The following AK5 variants were observed in gnomAD, a reference collection of about 807,000 sequenced individuals.
The protein encoded by AK5 is adenylate kinase 5, also known as adenylate kinase isoenzyme 5.
A neutral mutation model predicts 69.5 loss-of-function variants in AK5; 27 were observed. The ratio of observed to expected loss-of-function variants is 0.39; its 90% CI spans 0.29 to 0.54. The LOEUF (loss-of-function observed/expected upper bound fraction) is 0.54, where lower values mean the gene tolerates loss of function less well. Ranked by LOEUF, AK5 falls within the 20% of genes least tolerant of loss-of-function variation. The pLI is 0.71. For missense variants in AK5, 531 were observed against 700.4 expected (o/e 0.76, Z 2.73); for synonymous variants, 260 against 244.4 (o/e 1.06, Z -0.60).
chr1:77,545,090 A>G (rs962045947), intron 13 of AK5, among the ~76,000 whole-genome samples: 2 of 152,160 alleles, frequency 1.3e-5, no homozygotes, highest in Non-Finnish European at 2.9e-5. Context: ...TGACCAAAAC[A>G]TTGTTATCAG....
At chr1:77,542,253 G>A (rs1421783889) in intron 13 of AK5, among the ~76,000 whole-genome samples, 7 of 152,124 alleles carry the variant, frequency 4.6e-5, no homozygotes, top group Admixed American at 4.6e-4. Context: ...AACCTGGGAG[G>A]CGGAGGTTGC....
intron 5 of AK5, among the ~76,000 whole-genome samples, chr1:77,307,247 C>A (rs1001281566): frequency 6.8e-6 from 1 of 146,546 alleles, no homozygotes; most frequent in Non-Finnish European, 1.5e-5. Context: ...TATAAACTTC[C>A]TTCTTAATAC....
At chr1:77,449,995 A>G (rs1482173035) in intron 8 of AK5, among the ~76,000 whole-genome samples, 1 of 152,166 alleles carries the variant, frequency 6.6e-6, no homozygotes, top group Non-Finnish European at 1.5e-5. Flanking sequence ...TTTGCTGCTT[A>G]GAAATTTCTT....
intron 6 of AK5, among the ~76,000 whole-genome samples, chr1:77,376,110 A>T (rs1446557231): frequency 1.3e-5 from 2 of 152,192 alleles, no homozygotes; most frequent in African/African-American, 4.8e-5. Context: ...AGTGTCGAAC[A>T]CATTCAGCAC....
chr1:77,307,841 C>T (rs1043323541), intron 5 of AK5, among the ~76,000 whole-genome samples: 9 of 152,306 alleles, frequency 5.9e-5, no homozygotes, highest in African/African-American at 2.2e-4. Context: ...CTTGTCAGTA[C>T]TTCTTTCAGC....
intron 5 of AK5, among the ~76,000 whole-genome samples, chr1:77,323,115 A>G (rs1458090819): frequency 6.6e-6 from 1 of 151,912 alleles, no homozygotes; most frequent in Non-Finnish European, 1.5e-5. Context: ...AGCCTCCTCA[A>G]GTAGCTGCGA....
At chr1:77,439,784 G>A (rs542158358) in intron 8 of AK5, among the ~76,000 whole-genome samples, 15 of 149,632 alleles carry the variant, frequency 1.0e-4, no homozygotes, top group Middle Eastern at 3.4e-3. Flanking sequence ...ATATATGTAT[G>A]TATACATGTA....
At chr1:77,381,935 A>T (rs1647663046) in intron 6 of AK5, among the ~76,000 whole-genome samples, 1 of 152,152 alleles carries the variant, frequency 6.6e-6, no homozygotes, top group Non-Finnish European at 1.5e-5. Flanking sequence ...ACTTAAATGC[A>T]TTATTGCTTG....
chr1:77,297,162 G>A (rs995405769), intron 3 of AK5, among the ~76,000 whole-genome samples: 5 of 152,048 alleles, frequency 3.3e-5, no homozygotes, highest in African/African-American at 9.7e-5. Context: ...TAACTCTGTT[G>A]GCATGGAATC....
At position 77,380,859 on chromosome 1, in the gene AK5, A is replaced by C. The variant is rs1248214698; in HGVS notation, c.892-30122A>C. 5.9e-5 allele frequency among the ~76,000 whole-genome samples: 9 copies of C among 152,310 alleles called. No homozygotes were observed. The East Asian group carries it at 1.7e-3, about 29-fold the overall frequency. On this transcript the variant is annotated intron_variant, in intron 6 of 13. Transcript: ENST00000354567. ...CTGGGTGAAGTGTGGGGACCAAGGC[A>C]TCCTAGCCAGAGAGAGCATGGAGGT...
chr1:77,394,681 G>T (rs1648717701), intron 6 of AK5, among the ~76,000 whole-genome samples: 1 of 152,164 alleles, frequency 6.6e-6, no homozygotes, highest in South Asian at 2.1e-4. Context: ...ACACAGTAAT[G>T]TCACTTTCTC....
intron 8 of AK5, chr1:77,420,368 T>A (rs1650727294): frequency 6.6e-6 from 1 of 152,186 alleles, no homozygotes; most frequent in African/African-American, 2.4e-5. Context: ...GGCTTTCTAG[T>A]TTTTGCTGGA....
chr1:77,540,395 T>A (rs186071156), intron 13 of AK5: 130 of 152,358 alleles, frequency 8.5e-4, no homozygotes, highest in African/African-American at 3.1e-3. Context: ...CCCACCTCAC[T>A]ACACTTGGGC....
intron 8 of AK5, among the ~76,000 whole-genome samples, chr1:77,479,799 G>A (rs1655151362): frequency 6.6e-6 from 1 of 152,134 alleles, no homozygotes; most frequent in Admixed American, 6.5e-5. Flanking sequence ...ACAAAGGGTG[G>A]ACTAGATGGA....
At position 77,401,289 on chromosome 1, in the gene AK5, G is replaced by A. The variant is rs114502933; in HGVS notation, c.892-9692G>A. Among the ~76,000 whole-genome samples, 396 of 152,268 alleles carry A rather than the reference G, an allele frequency of 2.6e-3. 2 individuals are homozygous for A. The highest frequency in any genetic ancestry group is 9.2e-3 in the African/African-American group (382 of 41,558). On this transcript the variant is annotated intron_variant, in intron 6 of 13. Transcript: ENST00000354567. ...AACACCAATCAATCAATCTTTTGGA[G>A]GGACATCTCCAAACATATAAAAGAA...
rs190622305 is a variant in AK5 at position 77,493,516 on chromosome 1, G to A, written c.1147+7164G>A. 1.6e-4 allele frequency among the ~76,000 whole-genome samples: 25 copies of A among 152,148 alleles called. No homozygotes were observed. The East Asian group carries it at 3.5e-3, about 21-fold the overall frequency. On this transcript the variant is annotated intron_variant, in intron 10 of 13. Transcript: ENST00000354567. ...GAATAATAAGCAACAGGATATATACGTCCAGTCGCTTCTGTTTCTCTGGAG... is the reference window on the plus strand; with the variant it reads ...GAATAATAAGCAACAGGATATATACATCCAGTCGCTTCTGTTTCTCTGGAG...
intron 6 of AK5, among the ~76,000 whole-genome samples, chr1:77,400,933 T>TAAAAAA (rs71689422): frequency 3.5e-5 from 4 of 115,320 alleles, no homozygotes; most frequent in Non-Finnish European, 6.9e-5. Context: ...TTCATTCTGT[T>TAAAAAA]AAAAAAAAAA....
chr1:77,283,180 C>G (rs1183942686), intron 1 of AK5: 2 of 985,452 alleles, frequency 2.0e-6, no homozygotes, highest in African/African-American at 3.5e-5. Context: ...AGGAATGAAC[C>G]TTGGTCTGTT....
At chr1:77,421,595 G>C (rs935834153) in intron 8 of AK5, among the ~76,000 whole-genome samples, 3 of 152,138 alleles carry the variant, frequency 2.0e-5, no homozygotes, top group Non-Finnish European at 4.4e-5. Flanking sequence ...CCTAGTCACT[G>C]GCTCTACCTA....
Sources: gnomAD v4.1 joint callset for allele counts (sites outside exome capture counted in the v4.1 genomes callset) on GRCh38, gnomAD v4.1.1 for gene constraint, MANE v1.5 for transcripts, NCBI Gene and HGNC (gene_info 2026-07-23, HGNC 2026-07-21) for gene names.